SGCZ: variants seen among roughly 807,000 people sequenced by gnomAD.
The protein encoded by SGCZ is sarcoglycan zeta, also known as zeta-sarcoglycan.
In SGCZ, 40 loss-of-function variants were observed where a neutral mutation model predicts 41.3. The ratio of observed to expected loss-of-function variants is 0.97; its 90% CI spans 0.75 to 1.26. The LOEUF (loss-of-function observed/expected upper bound fraction) is 1.26, where lower values mean the gene tolerates loss of function less well. SGCZ is among the 50% of genes most tolerant of loss of function. The pLI, the probability that SGCZ is intolerant of heterozygous loss-of-function variation, is 0.00. For synonymous variants in SGCZ, 206 were observed against 137.5 expected (o/e 1.50, Z -3.49); for missense variants, 552 against 369.8 (o/e 1.49, Z -4.04).
chr8:14,214,578 T>G, intron 4 of SGCZ, among the ~76,000 whole-genome samples: 1 of 152,244 alleles, frequency 6.6e-6, no homozygotes, highest in African/African-American at 2.4e-5. Context: ...TATTTATAAA[T>G]AGAGGTTAAC....
At position 14,091,850 on chromosome 8, in the gene SGCZ, G is replaced by A. The variant is rs181921288; in HGVS notation, c.745-1213C>T. Among the ~76,000 whole-genome samples, 251 of 151,188 alleles carry A rather than the reference G, an allele frequency of 1.7e-3. 1 individual carries two copies. The highest frequency in any genetic ancestry group is 1.3e-3 in the Non-Finnish European group (86 of 67,436). Reference sequence around the variant, plus strand: ...TTAGTTTAATTAGATCCCATTTGTCGTCACTGCTTTTGGTGTGTTAGTCAT... The same window carrying A: ...TTAGTTTAATTAGATCCCATTTGTCATCACTGCTTTTGGTGTGTTAGTCAT... On this transcript the variant is annotated intron_variant, in intron 7 of 7. Coordinates refer to ENST00000382080, the MANE Select transcript of SGCZ (RefSeq NM_139167.4).
intron 1 of SGCZ, among the ~76,000 whole-genome samples, chr8:15,015,831 C>A (rs1245206952): frequency 6.7e-6 from 1 of 148,334 alleles, no homozygotes; most frequent in East Asian, 2.0e-4. Flanking sequence ...CCCTTCTAGC[C>A]AATTTATTAA....
intron 4 of SGCZ, among the ~76,000 whole-genome samples, chr8:14,229,897 A>G (rs1020787408): frequency 5.3e-5 from 8 of 152,130 alleles, no homozygotes; most frequent in African/African-American, 1.9e-4. Flanking sequence ...CTTAGCACTA[A>G]CAAAAATAAG....
At chr8:14,466,707 AT>A (rs1380580801) in intron 2 of SGCZ, among the ~76,000 whole-genome samples, 3 of 151,560 alleles carry the variant, frequency 2.0e-5, no homozygotes, top group Non-Finnish European at 2.9e-5. Flanking sequence ...AGTTTGTGGA[AT>A]TTTTTACTCT....
chr8:15,002,946 T>C (rs1418925844), intron 1 of SGCZ, among the ~76,000 whole-genome samples: 1 of 152,168 alleles, frequency 6.6e-6, no homozygotes, highest in East Asian at 1.9e-4. Flanking sequence ...AGTGAATACA[T>C]CTCACAAGAT....
intron 1 of SGCZ, among the ~76,000 whole-genome samples, chr8:15,127,765 A>T (rs1451874097): frequency 6.6e-6 from 1 of 152,222 alleles, no homozygotes; most frequent in African/African-American, 2.4e-5. Flanking sequence ...AAATAATTCA[A>T]TATTCAACAT....
chr8:14,650,108 C>T (rs550521111), intron 1 of SGCZ, among the ~76,000 whole-genome samples: 16 of 152,110 alleles, frequency 1.1e-4, no homozygotes, highest in East Asian at 7.7e-4. Flanking sequence ...CAGACATAGA[C>T]GCAATTTAAA....
chr8:15,010,529 A>C (rs1802785536), intron 1 of SGCZ, among the ~76,000 whole-genome samples: 1 of 152,194 alleles, frequency 6.6e-6, no homozygotes, highest in African/African-American at 2.4e-5. Flanking sequence ...ACTTCTGATT[A>C]AGACAAAATC....
At chr8:14,569,011 T>A (rs941438327) in intron 1 of SGCZ, among the ~76,000 whole-genome samples, 9 of 152,200 alleles carry the variant, frequency 5.9e-5, no homozygotes, top group African/African-American at 2.2e-4. Context: ...ACCTGTTTCT[T>A]ATCATGTATT....
intron 3 of SGCZ, among the ~76,000 whole-genome samples, chr8:14,305,255 C>G (rs1801314429): frequency 6.6e-6 from 1 of 152,030 alleles, no homozygotes; most frequent in Non-Finnish European, 1.5e-5. Flanking sequence ...AAAGGATGAA[C>G]AATGGTTAGC....
chr8:15,096,140 C>T (rs1806337718), intron 1 of SGCZ, among the ~76,000 whole-genome samples: 2 of 152,126 alleles, frequency 1.3e-5, no homozygotes, highest in South Asian at 2.1e-4. Flanking sequence ...TGCAATGATG[C>T]AATCTCGGCT....
intron 4 of SGCZ, among the ~76,000 whole-genome samples, chr8:14,208,558 G>T (rs931707324): frequency 6.6e-6 from 1 of 152,068 alleles, no homozygotes; most frequent in African/African-American, 2.4e-5. Flanking sequence ...CTATCAAATT[G>T]TCAAAGTGGT....
rs17119669 is a variant in SGCZ at position 14,529,697 on chromosome 8, T to C, written c.234+25035A>G. ...TGTTTCATGAGATCTGAAGGTTAAGTATGTCTCTCAGGACAAATAGCACAA... is the reference window on the plus strand; with the variant it reads ...TGTTTCATGAGATCTGAAGGTTAAGCATGTCTCTCAGGACAAATAGCACAA... On this transcript the variant is annotated intron_variant, in intron 2 of 7. Coordinates refer to ENST00000382080, the MANE Select transcript of SGCZ (RefSeq NM_139167.4). 9.6e-3 allele frequency among the ~76,000 whole-genome samples: 1,468 copies of C among 152,210 alleles called. 26 individuals are homozygous for C. Among genetic ancestry groups the C allele is most frequent in the African/African-American group, 0.033 (1,363 of 41,570 alleles).
intron 1 of SGCZ, among the ~76,000 whole-genome samples, chr8:15,110,578 A>C (rs1404998797): frequency 1.3e-5 from 2 of 152,224 alleles, no homozygotes; most frequent in African/African-American, 4.8e-5. Flanking sequence ...GCAGGTGTGC[A>C]TATCACAATT....
intron 1 of SGCZ, among the ~76,000 whole-genome samples, chr8:14,596,284 C>T (rs1032110521): frequency 1.3e-5 from 2 of 152,154 alleles, no homozygotes; most frequent in African/African-American, 4.8e-5. Context: ...TGTGCACTAA[C>T]TGAATTTTGC....
intron 3 of SGCZ, among the ~76,000 whole-genome samples, chr8:14,267,747 T>C (rs1799923090): frequency 6.6e-6 from 1 of 152,068 alleles, no homozygotes; most frequent in African/African-American, 2.4e-5. Context: ...TGTGAGGAGT[T>C]TGGGCTCATT....
intron 1 of SGCZ, among the ~76,000 whole-genome samples, chr8:14,911,722 TA>T (rs1280168999): frequency 6.6e-6 from 1 of 151,918 alleles, no homozygotes; most frequent in Non-Finnish European, 1.5e-5. Flanking sequence ...AGTGCTTGTT[TA>T]AAAATATTTA....
intron 1 of SGCZ, among the ~76,000 whole-genome samples, chr8:15,231,985 G>A (rs1331969511): frequency 6.6e-6 from 1 of 152,116 alleles, no homozygotes; most frequent in Non-Finnish European, 1.5e-5. Context: ...TAGAAGCTAA[G>A]AATTTTATCA....
intron 1 of SGCZ, among the ~76,000 whole-genome samples, chr8:14,883,611 C>A (rs1024479035): frequency 2.0e-5 from 3 of 151,918 alleles, no homozygotes; most frequent in African/African-American, 7.3e-5. Flanking sequence ...TCTTTCGGGT[C>A]TAGTTATTAA....
Sources: allele counts gnomAD v4.1 joint callset (sites outside exome capture counted in the v4.1 genomes callset), GRCh38; gene constraint gnomAD v4.1.1; transcripts MANE v1.5; gene names NCBI Gene and HGNC (gene_info 2026-07-23, HGNC 2026-07-21).